Variants in SCAPER observed in about 807,000 individuals in gnomAD.
SCAPER encodes the protein S phase cyclin A-associated protein in the endoplasmic reticulum.
Under a neutral mutation model 182.2 loss-of-function variants are expected in SCAPER, and 98 were observed. That is an observed-to-expected ratio of 0.54 (90% CI 0.46 to 0.64). SCAPER has a LOEUF of 0.64. SCAPER is among the 30% of genes least tolerant of loss of function. The pLI, the probability that SCAPER is intolerant of heterozygous loss-of-function variation, is 0.00. For synonymous variants in SCAPER, 605 were observed against 564.6 expected (o/e 1.07, Z -1.01); for missense variants, 1,432 against 1,690.0 (o/e 0.85, Z 2.68).
At chr15:76,632,528 T>C (rs1271015436) in intron 21 of SCAPER, among the ~76,000 whole-genome samples, 2 of 152,018 alleles carry the variant, frequency 1.3e-5, no homozygotes, top group East Asian at 1.9e-4. Flanking sequence ...TCTTAGCTTC[T>C]TTGCAATGAG....
chr15:76,831,380 TC>T (rs1428924781), intron 5 of SCAPER, among the ~76,000 whole-genome samples: 1 of 151,742 alleles, frequency 6.6e-6, no homozygotes, highest in Non-Finnish European at 1.5e-5. Context: ...CATAACTCTT[TC>T]CCAGCCCCCA....
At chr15:76,703,476 A>C (rs2059075115) in intron 18 of SCAPER, among the ~76,000 whole-genome samples, 1 of 152,216 alleles carries the variant, frequency 6.6e-6, no homozygotes, top group African/African-American at 2.4e-5. Context: ...GGCAAGGCCC[A>C]TCATGACCAA....
At chr15:76,530,200 T>C (rs2043538061) in intron 23 of SCAPER, among the ~76,000 whole-genome samples, 1 of 152,182 alleles carries the variant, frequency 6.6e-6, no homozygotes, top group Non-Finnish European at 1.5e-5. Flanking sequence ...TTACGCCTTT[T>C]AGTGGAGAGA....
chr15:76,428,899 T>TATATATATATATATATATATATATA (rs2046649855), intron 26 of SCAPER, among the ~76,000 whole-genome samples: 1 of 129,962 alleles, frequency 7.7e-6, no homozygotes, highest in Non-Finnish European at 1.7e-5. Context: ...TATATAAACA[T>TATATATATATATATATATATATATA]CAAAATGTAC....
chr15:76,693,162 T>G (rs963748129), intron 20 of SCAPER, among the ~76,000 whole-genome samples: 5 of 152,250 alleles, frequency 3.3e-5, no homozygotes, highest in Non-Finnish European at 7.4e-5. Context: ...AAAAAACTTC[T>G]GCCAAGACAT....
intron 23 of SCAPER, among the ~76,000 whole-genome samples, chr15:76,507,980 G>A (rs1481739363): frequency 6.6e-6 from 1 of 152,024 alleles, no homozygotes; most frequent in African/African-American, 2.4e-5. Context: ...TTGTACAGCT[G>A]GATGCATGAA....
intron 29 of SCAPER, among the ~76,000 whole-genome samples, chr15:76,363,832 A>G (rs776830643): frequency 9.2e-5 from 14 of 152,192 alleles, no homozygotes; most frequent in Non-Finnish European, 1.9e-4. Flanking sequence ...CTACAATGCT[A>G]TAGTAAAAAG....
chr15:76,635,816 A>G (rs1170702942), intron 21 of SCAPER, among the ~76,000 whole-genome samples: 2 of 152,192 alleles, frequency 1.3e-5, no homozygotes, highest in African/African-American at 4.8e-5. Flanking sequence ...TGAGTTGATC[A>G]TGGTTTATGT....
intron 19 of SCAPER, 106 bp from the exon 20 acceptor site, chr15:76,701,971 A>G: frequency 1.5e-6 from 1 of 645,474 alleles, no homozygotes. Context: ...TCCACCTAGT[A>G]TTTACATATT....
intron 2 of SCAPER, among the ~76,000 whole-genome samples, chr15:76,863,696 G>A (rs2072050934): frequency 6.6e-6 from 1 of 152,158 alleles, no homozygotes; most frequent in South Asian, 2.1e-4. Context: ...ACCTGCTGGT[G>A]TTCATGCCCT....
intron 1 of SCAPER, among the ~76,000 whole-genome samples, chr15:76,895,500 TTGAC>T (rs1163809729): frequency 8.1e-5 from 4 of 49,332 alleles, no homozygotes; most frequent in Non-Finnish European, 1.3e-4. Context: ...TTTTTTTTTC[TTGAC>T]TAAGAAAAAA....
At chr15:76,894,892 A>T (rs2074347062) in intron 1 of SCAPER, among the ~76,000 whole-genome samples, 2 of 152,144 alleles carry the variant, frequency 1.3e-5, no homozygotes, top group Non-Finnish European at 1.5e-5. Context: ...ATTTTTTAAT[A>T]AAAAACTCAC....
chr15:76,558,684 G>A (rs1418999356), intron 23 of SCAPER, among the ~76,000 whole-genome samples: 1 of 152,070 alleles, frequency 6.6e-6, no homozygotes, highest in Non-Finnish European at 1.5e-5. Flanking sequence ...ATTCCCAAAG[G>A]AATATAAATT....
At chr15:76,421,773 T>G (rs887893720) in intron 26 of SCAPER, among the ~76,000 whole-genome samples, 3 of 152,260 alleles carry the variant, frequency 2.0e-5, no homozygotes, top group African/African-American at 7.2e-5. Context: ...TGTAAGTCTT[T>G]AATCCATCTT....
chr15:76,666,922 T>C (rs1003537691), intron 20 of SCAPER, among the ~76,000 whole-genome samples: 6 of 152,206 alleles, frequency 3.9e-5, no homozygotes, highest in Non-Finnish European at 7.3e-5. Flanking sequence ...AAATATAAAC[T>C]GGATCCCATT....
chr15:76,448,812 G>A (rs1456486703), intron 25 of SCAPER, among the ~76,000 whole-genome samples: 1 of 152,120 alleles, frequency 6.6e-6, no homozygotes, highest in Non-Finnish European at 1.5e-5. Flanking sequence ...CGAACTGAGT[G>A]GGTGAATAGT....
At chr15:76,637,514 C>G (rs933645510) in intron 21 of SCAPER, among the ~76,000 whole-genome samples, 2 of 148,698 alleles carry the variant, frequency 1.3e-5, no homozygotes, top group Admixed American at 6.7e-5. Context: ...CTGGGCAAAA[C>G]AGTGAGACCC....
intron 2 of SCAPER, among the ~76,000 whole-genome samples, chr15:76,863,128 A>G (rs2072009380): frequency 6.6e-6 from 1 of 152,206 alleles, no homozygotes; most frequent in Admixed American, 6.5e-5. Flanking sequence ...GCCTAAGAAC[A>G]CGGGCCTAAG....
In SCAPER at chr15:76,457,006, T is replaced by C. The variant is rs1037285726; in HGVS notation, c.3078+14206A>G. ...ATGCATCTCATGTAGATAGAGCACA[T>C]GGTTAGGTCTTTTTATCCATTCCAG... On this transcript the variant is annotated intron_variant, in intron 25 of 31. Coordinates refer to ENST00000563290, the MANE Select transcript of SCAPER (RefSeq NM_020843.4). Among the ~76,000 whole-genome samples, 8 of 152,292 alleles carry C rather than the reference T, an allele frequency of 5.3e-5. No individual in the cohort carries two copies. In the South Asian group the frequency reaches 1.4e-3, roughly 28 times the overall value.
Sources: gnomAD v4.1 joint callset for allele counts (sites outside exome capture counted in the v4.1 genomes callset) on GRCh38, gnomAD v4.1.1 for gene constraint, MANE v1.5 for transcripts, NCBI Gene and HGNC (gene_info 2026-07-23, HGNC 2026-07-21) for gene names.